Variants in NDUFA7 observed in about 807,000 individuals in gnomAD.
NDUFA7 encodes NADH:ubiquinone oxidoreductase subunit A7.
NDUFA7 carries 18 observed loss-of-function variants against 14.2 expected under a neutral mutation model. The ratio of observed to expected loss-of-function variants is 1.27; its 90% CI spans 0.88 to 1.88. NDUFA7 has a LOEUF of 1.88. NDUFA7 is among the 40% of genes most tolerant of loss of function. The pLI, the probability that NDUFA7 is intolerant of heterozygous loss-of-function variation, is 0.00. For synonymous variants in NDUFA7, 75 were observed against 62.1 expected (o/e 1.21, Z -0.98); for missense variants, 172 against 147.3 (o/e 1.17, Z -0.87).
rs1204773991 is a variant in NDUFA7 at position 8,321,351 on chromosome 19, G to C, written c.8C>G (p.Ser3Cys). ...CAGCCGCTGGATGAGACGGGTGGCG[G>C]ACGCCATCTTCCGTCCGCGATACTG... MASATRLIQRLRN... is the reference protein window; with the variant it reads MACATRLIQRLRN... The change falls in exon 1 of 4, where the codon TCC becomes TGC. Residue 3 changes from serine (S) to cysteine (C), a missense_variant. Ser to Cys is a moderately radical substitution (Grantham distance 112). Coordinates refer to ENST00000301457, the MANE Select transcript of NDUFA7 (RefSeq NM_005001.5). The C allele has an allele frequency of 1.9e-6, 3 of 1,576,360 alleles. No homozygotes were observed. Among genetic ancestry groups the C allele is most frequent in the Non-Finnish European group, 2.6e-6 (3 of 1,163,478 alleles).
At chr19:8,320,458 T>C (rs921878347) in intron 2 of NDUFA7, among the ~76,000 whole-genome samples, 15 of 152,160 alleles carry the variant, frequency 9.9e-5, no homozygotes, top group Admixed American at 3.3e-4. Context: ...AAATATCAAC[T>C]AATATTTTAA....
downstream of NDUFA7, among the ~76,000 whole-genome samples, chr19:8,309,212 G>A (rs1970144680): frequency 1.3e-5 from 2 of 152,132 alleles, no homozygotes; most frequent in East Asian, 3.9e-4. Flanking sequence ...GCTGGCTCAC[G>A]CCTGTTAACC....
intron 2 of NDUFA7, among the ~76,000 whole-genome samples, chr19:8,317,523 G>A (rs986520310): frequency 2.6e-5 from 4 of 152,098 alleles, no homozygotes; most frequent in African/African-American, 9.7e-5. Context: ...AACAAAAAAA[G>A]CTCAAAACAA....
chr19:8,316,237 A>ATCACT (rs1321659682), intron 3 of NDUFA7, among the ~76,000 whole-genome samples: 2 of 150,938 alleles, frequency 1.3e-5, no homozygotes, highest in Non-Finnish European at 2.9e-5. Flanking sequence ...GGAGGGGAGG[A>ATCACT]TCACTTCAGC....
At chr19:8,314,050 G>T (rs1315291580) in intron 3 of NDUFA7, among the ~76,000 whole-genome samples, 1 of 152,232 alleles carries the variant, frequency 6.6e-6, no homozygotes, top group African/African-American at 2.4e-5. Context: ...GGCTGGGCAT[G>T]GTGGCTCACA....
Position 8,321,304 on chromosome 19 carries a change from G to A in NDUFA7, c.51+4C>T. 1.3e-6 allele frequency: 2 copies of A among 1,568,522 alleles called. No individual in the cohort carries two copies. The highest frequency in any genetic ancestry group is 1.7e-6 in the Non-Finnish European group (2 of 1,160,272). On this transcript the variant is annotated splice_donor_region_variant and intron_variant, in intron 1 of 3. Coordinates refer to ENST00000301457, the MANE Select transcript of NDUFA7 (RefSeq NM_005001.5). The stretch of plus-strand genomic sequence containing the variant: ...CATGGTGCAGCCCTGTCCGCCCCGC[G>A]CACCCCGGACGCCCAGTTCCGCAGC...
chr19:8,310,969 G>A (rs555845847), downstream of NDUFA7, among the ~76,000 whole-genome samples: 27 of 152,216 alleles, frequency 1.8e-4, no homozygotes, highest in Non-Finnish European at 2.1e-4. Flanking sequence ...ACCTGAGATC[G>A]TGCCGTTGCG....
intron 2 of NDUFA7, 93 bp downstream of exon 2, chr19:8,320,764 C>T (rs940532447): frequency 1.4e-6 from 2 of 1,469,582 alleles, no homozygotes; most frequent in African/African-American, 1.4e-5. Flanking sequence ...AGGATGTCAG[C>T]CCTCCGTTTC....
intron 3 of NDUFA7, among the ~76,000 whole-genome samples, chr19:8,311,909 G>A (rs1970182837): frequency 6.6e-6 from 1 of 152,114 alleles, no homozygotes; most frequent in Non-Finnish European, 1.5e-5. Context: ...CGTACACAAG[G>A]CCCCCACCCC....
chr19:8,311,540 T>C lies in NDUFA7; in HGVS notation c.307A>G (p.Arg103Gly), dbSNP rs578092579. The C allele has an allele frequency of 1.2e-6, 2 of 1,612,552 alleles. No individual in the cohort carries two copies. The highest frequency in any genetic ancestry group is 1.3e-5 in the African/African-American group (1 of 74,958). The change falls in exon 4 of 4, where the codon AGG (arginine) becomes GGG (glycine). Residue 103 changes from arginine (R) to glycine (G), a missense_variant. Coordinates refer to ENST00000301457, the MANE Select transcript of NDUFA7 (RefSeq NM_005001.5). ...GGCTGGTCCGAGGACAGCTCCCACC[T>C]CTTTATGGGAGGAGCTGGAGTCACC... is the stretch of plus-strand genomic sequence containing the variant. The part of the protein sequence containing the change: ...KAVTPAPPIK[R>G]WELSSDQPYL
chr19:8,317,025 T>G (rs1346495543), intron 2 of NDUFA7, among the ~76,000 whole-genome samples: 1 of 152,118 alleles, frequency 6.6e-6, no homozygotes, highest in Non-Finnish European at 1.5e-5. Context: ...CTTTTTCCCC[T>G]AAAGCCAGGC....
chr19:8,320,882 G>A lies in NDUFA7; in HGVS notation c.76C>T (p.Leu26=), dbSNP rs747079082. Residue 26 remains leucine, a synonymous_variant, in exon 2 of 4, where the codon CTA becomes TTA. Coordinates refer to ENST00000301457, the MANE Select transcript of NDUFA7 (RefSeq NM_005001.5). ...SGHDLQGKLQ[L]RYQEISKRTQ... The stretch of plus-strand genomic sequence containing the variant: ...CGCTTGGAGATCTCCTGGTAGCGTA[G>A]CTGCAGCTTCCCCTGCAGGTCATGC... The A allele has an allele frequency of 3.1e-6, 5 of 1,613,766 alleles. No homozygotes were observed. Among genetic ancestry groups the A allele is most frequent in the Admixed American group, 3.3e-5 (2 of 60,026 alleles).
At chr19:8,316,745 G>A in intron 2 of NDUFA7, 100 bp from the exon 3 acceptor site, 1 of 1,425,760 alleles carries the variant, frequency 7.0e-7, no homozygotes, top group Non-Finnish European at 9.7e-7. Context: ...GGGATCTACA[G>A]CCAGCCACTG....
chr19:8,315,691 G>C (rs1970224402), intron 3 of NDUFA7, among the ~76,000 whole-genome samples: 2 of 152,022 alleles, frequency 1.3e-5, no homozygotes, highest in South Asian at 4.2e-4. Context: ...CGTATGCTGA[G>C]CGCTGGTCCC....
At chr19:8,321,114 G>A in intron 1 of NDUFA7, 194 bp downstream of exon 1, 1 of 888,860 alleles carries the variant, frequency 1.1e-6, no homozygotes, top group South Asian at 1.7e-5. Flanking sequence ...TCGGGGACTG[G>A]GGAAATCCCA....
At chr19:8,313,255 G>C (rs1452756651) in intron 3 of NDUFA7, among the ~76,000 whole-genome samples, 1 of 148,042 alleles carries the variant, frequency 6.8e-6, no homozygotes, top group Non-Finnish European at 1.5e-5. Context: ...TTTTGAGACA[G>C]AGTCTCACTC....
At chr19:8,315,148 G>A (rs767990521) in intron 3 of NDUFA7, among the ~76,000 whole-genome samples, 1 of 152,138 alleles carries the variant, frequency 6.6e-6, no homozygotes, top group African/African-American at 2.4e-5. Context: ...ACCACAGAAG[G>A]CCACAGGGTT....
intron 2 of NDUFA7, among the ~76,000 whole-genome samples, chr19:8,317,210 C>A (rs964429514): frequency 6.6e-6 from 1 of 152,102 alleles, no homozygotes; most frequent in Non-Finnish European, 1.5e-5. Context: ...GAACAGAGCT[C>A]GGTCTTGGCT....
chr19:8,313,797 G>T (rs974182663), intron 3 of NDUFA7, among the ~76,000 whole-genome samples: 5 of 152,238 alleles, frequency 3.3e-5, no homozygotes, highest in African/African-American at 1.2e-4. Flanking sequence ...TTCCTCTTCT[G>T]CAAGAGGGGT....
Sources: gnomAD v4.1 joint callset for allele counts (sites outside exome capture counted in the v4.1 genomes callset) on GRCh38, gnomAD v4.1.1 for gene constraint, MANE v1.5 for transcripts, NCBI Gene and HGNC (gene_info 2026-07-23, HGNC 2026-07-21) for gene names.